L3MBTL3: variants seen among roughly 807,000 people sequenced by gnomAD.
The protein encoded by L3MBTL3 is lethal(3)malignant brain tumor-like protein 3.
In L3MBTL3, 27 loss-of-function variants were observed where a neutral mutation model predicts 102.3. The ratio of observed to expected loss-of-function variants is 0.26; its 90% CI spans 0.19 to 0.36. The LOEUF (loss-of-function observed/expected upper bound fraction) is 0.36. Ranked by LOEUF, L3MBTL3 falls within the 10% of genes least tolerant of loss-of-function variation. The pLI, the probability that L3MBTL3 is intolerant of heterozygous loss-of-function variation, is 1.00. For synonymous variants in L3MBTL3, 340 were observed against 320.9 expected, an observed-to-expected ratio of 1.06 and a Z score of -0.64; for missense variants, 798 against 955.3, an observed-to-expected ratio of 0.84 and a Z score of 2.17.
chr6:130,061,285 A>G (rs776041727), intron 10 of L3MBTL3, among the ~76,000 whole-genome samples: 1 of 152,068 alleles, frequency 6.6e-6, no homozygotes, highest in African/African-American at 2.4e-5. Context: ...AGGTTTCGCC[A>G]TGTTGGCCAG....
In L3MBTL3 at chr6:130,076,554, TTACACA is replaced by T. The variant is rs1782962424; in HGVS notation, c.1245-2002_1245-1997del. Among the ~76,000 whole-genome samples, 4 of 152,170 alleles carry T rather than the reference TTACACA, an allele frequency of 2.6e-5. 1 individual carries two copies. In the South Asian group the frequency reaches 8.3e-4, roughly 32 times the overall value. The stretch of plus-strand genomic sequence containing the variant: ...AGCAGTCATTATGAATAATTTGCAC[TTACACA>T]TGAAATGTATTTCAAAAATTTGAAA... On this transcript the variant is annotated intron_variant, in intron 13 of 22. Coordinates refer to ENST00000361794, the MANE Select transcript of L3MBTL3 (RefSeq NM_032438.4).
chr6:130,084,014 G>A (rs1436813943), intron 15 of L3MBTL3, among the ~76,000 whole-genome samples: 1 of 152,044 alleles, frequency 6.6e-6, no homozygotes, highest in Non-Finnish European at 1.5e-5. Context: ...TTAGCTAGAT[G>A]TTCTAAAAGA....
At chr6:130,048,967 C>CACACACACACACACACACAT (rs71678245) in intron 3 of L3MBTL3, among the ~76,000 whole-genome samples, 9 of 150,562 alleles carry the variant, frequency 6.0e-5, no homozygotes, top group East Asian at 2.0e-4. Context: ...CACACACACA[C>CACACACACACACACACACAT]ACATACACAC....
intron 14 of L3MBTL3, among the ~76,000 whole-genome samples, chr6:130,081,033 C>T (rs958123947): frequency 6.6e-6 from 1 of 152,258 alleles, no homozygotes; most frequent in Non-Finnish European, 1.5e-5. Flanking sequence ...TCACAGATTT[C>T]TGCATCCACT....
At chr6:130,095,720 A>G (rs1199517537) in intron 18 of L3MBTL3, among the ~76,000 whole-genome samples, 2 of 152,196 alleles carry the variant, frequency 1.3e-5, no homozygotes, top group Non-Finnish European at 2.9e-5. Context: ...TCTGAGATCC[A>G]GGGGCCAGCA....
At chr6:130,129,722 A>G (rs989242021) in intron 20 of L3MBTL3, among the ~76,000 whole-genome samples, 9 of 152,206 alleles carry the variant, frequency 5.9e-5, no homozygotes, top group Admixed American at 1.3e-4. Flanking sequence ...GGTACGAAAT[A>G]GGGTCCCAGG....
At chr6:130,082,371 A>T (rs1783420971) in intron 14 of L3MBTL3, among the ~76,000 whole-genome samples, 1 of 152,192 alleles carries the variant, frequency 6.6e-6, no homozygotes, top group South Asian at 2.1e-4. Context: ...AAATTAGTTG[A>T]TATTTTCCTG....
At chr6:130,112,965 A>G (rs1785447819) in intron 19 of L3MBTL3, among the ~76,000 whole-genome samples, 1 of 152,184 alleles carries the variant, frequency 6.6e-6, no homozygotes, top group Non-Finnish European at 1.5e-5. Flanking sequence ...GGACAGTGGC[A>G]GCTCATCTCT....
intron 19 of L3MBTL3, among the ~76,000 whole-genome samples, chr6:130,114,320 A>G (rs1205282809): frequency 1.3e-5 from 2 of 152,210 alleles, no homozygotes; most frequent in Non-Finnish European, 2.9e-5. Flanking sequence ...CAATATTGTA[A>G]CAGGATCTTA....
In L3MBTL3 at chr6:130,090,105, G is replaced by A. The variant is rs149474227; in HGVS notation, c.1519-2640G>A. Among the ~76,000 whole-genome samples the A allele has an allele frequency of 7.2e-5, 11 of 151,896 alleles. No individual in the cohort carries two copies. The East Asian group carries it at 1.4e-3, about 19-fold the overall frequency. ...GTATTCTCTTATCTTGCTGACACACGTCTTTTCATATTTTCTATGGGGTTT... is the reference window on the plus strand; with the variant it reads ...GTATTCTCTTATCTTGCTGACACACATCTTTTCATATTTTCTATGGGGTTT... On this transcript the variant is annotated intron_variant, in intron 16 of 22. Transcript: ENST00000361794.
At chr6:130,097,155 G>A (rs187268334) in intron 18 of L3MBTL3, among the ~76,000 whole-genome samples, 58 of 152,242 alleles carry the variant, frequency 3.8e-4, no homozygotes, top group African/African-American at 1.1e-3. Flanking sequence ...TTTTCTGGCC[G>A]GGTATTAATC....
In L3MBTL3 at chr6:130,138,864, T is replaced by C. The variant is rs538550618; in HGVS notation, c.2200-746T>C. On this transcript the variant is annotated intron_variant, in intron 22 of 22. Coordinates refer to ENST00000361794, the MANE Select transcript of L3MBTL3 (RefSeq NM_032438.4). ...GCCAGACATCATTTTCATAGTATTT[T>C]ATCTTTTAACCTAAAAGATGTGTTG... Among the ~76,000 whole-genome samples, 6 of 152,330 alleles carry C rather than the reference T, an allele frequency of 3.9e-5. 1 individual carries two copies. The South Asian group carries it at 1.2e-3, about 32-fold the overall frequency.
chr6:130,108,002 A>G (rs1000214386), intron 19 of L3MBTL3, among the ~76,000 whole-genome samples: 1 of 152,086 alleles, frequency 6.6e-6, no homozygotes, highest in African/African-American at 2.4e-5. Flanking sequence ...GTTCCTCCAG[A>G]AAAGAGCAGC....
chr6:130,029,288 T>A (rs1323494338), intron 2 of L3MBTL3, among the ~76,000 whole-genome samples: 1 of 152,170 alleles, frequency 6.6e-6, no homozygotes, highest in African/African-American at 2.4e-5. Context: ...TTGGGGATGA[T>A]GACGCAGAGC....
intron 20 of L3MBTL3, among the ~76,000 whole-genome samples, chr6:130,129,687 C>G (rs1191192390): frequency 1.3e-5 from 2 of 152,096 alleles, no homozygotes; most frequent in African/African-American, 4.8e-5. Context: ...CTTTTCCATG[C>G]ATGTCAATGG....
chr6:130,095,485 G>C lies in L3MBTL3; in HGVS notation c.1736+1118G>C, dbSNP rs1784311052. 2.0e-5 allele frequency among the ~76,000 whole-genome samples: 3 copies of C among 152,046 alleles called. No homozygotes were observed. In the South Asian group the frequency reaches 6.2e-4, roughly 32 times the overall value. On this transcript the variant is annotated intron_variant, in intron 18 of 22. Transcript: ENST00000361794. ...AATCCTTTTTGTTGCTTGTCTGACT[G>C]CAAACCAAAATTTATATGATACATC...
chr6:130,132,419 T>C (rs1787152937), intron 20 of L3MBTL3, among the ~76,000 whole-genome samples: 1 of 152,226 alleles, frequency 6.6e-6, no homozygotes, highest in Non-Finnish European at 1.5e-5. Flanking sequence ...GTGTGTTCAC[T>C]TTGTGAAAAT....
chr6:130,121,808 G>T (rs1476026569), intron 20 of L3MBTL3, among the ~76,000 whole-genome samples: 1 of 152,138 alleles, frequency 6.6e-6, no homozygotes, highest in Non-Finnish European at 1.5e-5. Flanking sequence ...TGCTTTGGGA[G>T]GCCAAGGCAG....
intron 12 of L3MBTL3, 141 bp downstream of exon 12, chr6:130,068,562 TA>T (rs35622104): frequency 0.2 from 105,312 of 525,886 alleles, 12,381 homozygotes; most frequent in Non-Finnish European, 0.25. Flanking sequence ...AATTAAAGTT[TA>T]AAATTAGCTT....
Sources: allele counts gnomAD v4.1 joint callset (sites outside exome capture counted in the v4.1 genomes callset), GRCh38; gene constraint gnomAD v4.1.1; transcripts MANE v1.5; gene names NCBI Gene and HGNC (gene_info 2026-07-23, HGNC 2026-07-21).